TKTL1: variants seen among roughly 807,000 people sequenced by gnomAD.
TKTL1 encodes transketolase like 1.
Under a neutral mutation model 39.3 loss-of-function variants are expected in TKTL1, and 1 was observed. The ratio of observed to expected loss-of-function variants is 0.03; its 90% CI spans 0.01 to 0.12. TKTL1 has a LOEUF of 0.12. Among genes scored for constraint, TKTL1 ranks in the 10% least tolerant of loss-of-function variants. TKTL1 has a pLI of 1.00. For synonymous variants in TKTL1, 262 were observed against 193.8 expected, an observed-to-expected ratio of 1.35 and a Z score of -2.92; for missense variants, 575 against 509.6, an observed-to-expected ratio of 1.13 and a Z score of -1.24.
At chrX:154,312,432 G>A in intron 5 of TKTL1, 148 bp from the exon 6 acceptor site, 2 of 521,695 alleles carry the variant, frequency 3.8e-6, no homozygotes, top group Non-Finnish European at 6.0e-6. Flanking sequence ...CTCTCTGGCT[G>A]CAGCAGCGTC....
At chrX:154,322,692 A>G (rs1352205700) in intron 8 of TKTL1, among the ~76,000 whole-genome samples, 5 of 111,497 alleles carry the variant, frequency 4.5e-5, no homozygotes, top group Non-Finnish European at 9.4e-5. Context: ...TCTGGTGAGA[A>G]ACTACGTTCC....
intron 7 of TKTL1, among the ~76,000 whole-genome samples, chrX:154,317,778 A>G (rs1034630952): frequency 8.9e-6 from 1 of 111,820 alleles, no homozygotes; most frequent in Non-Finnish European, 1.9e-5. Context: ...AGGTGTCAGG[A>G]CAGGACCCAA....
At chrX:154,312,071 T>C (rs1557168473) in intron 5 of TKTL1, among the ~76,000 whole-genome samples, 1 of 111,972 alleles carries the variant, frequency 8.9e-6, no homozygotes, top group African/African-American at 3.2e-5. Flanking sequence ...ATCTGATCAG[T>C]CACTTTCCCC....
At chrX:154,328,817 C>G (rs1353811464) in intron 12 of TKTL1, among the ~76,000 whole-genome samples, 1 of 110,845 alleles carries the variant, frequency 9.0e-6, no homozygotes, top group African/African-American at 3.3e-5. Flanking sequence ...GTTGCTCTCA[C>G]ACCTGAGGTT....
chrX:154,298,444 G>A (rs1557165144), intron 1 of TKTL1, among the ~76,000 whole-genome samples: 1 of 112,123 alleles, frequency 8.9e-6, no homozygotes, highest in Non-Finnish European at 1.9e-5. Context: ...AGGGGAGGTG[G>A]CTCACGCCTG....
intron 6 of TKTL1, 51 bp from the exon 7 acceptor site, chrX:154,315,122 T>G (rs893496462): frequency 1.7e-6 from 2 of 1,148,389 alleles, no homozygotes; most frequent in Non-Finnish European, 2.4e-6. Flanking sequence ...TAGTCGTTCC[T>G]TCTAAATGCA....
intron 5 of TKTL1, among the ~76,000 whole-genome samples, chrX:154,311,845 G>T (rs2067360403): frequency 9.0e-6 from 1 of 111,130 alleles, no homozygotes; most frequent in African/African-American, 3.3e-5. Flanking sequence ...TTACCAGTGT[G>T]CTCCTGGCAG....
Position 154,325,439 on chromosome X carries a change from T to G in TKTL1, c.1401+17T>G, listed in dbSNP as rs782339219. On this transcript the variant is annotated intron_variant, in intron 10 of 12. Coordinates refer to ENST00000369915, the MANE Select transcript of TKTL1 (RefSeq NM_012253.4). ...CAGGCCAAGGTAAGGGCTTACGCGC[T>G]CCTGCGTTATTCAGTATCATCTCCT... 3 of 1,169,936 alleles carry G rather than the reference T, an allele frequency of 2.6e-6. No individual in the cohort carries two copies. The highest frequency in any genetic ancestry group is 1.8e-5 in the South Asian group (1 of 55,665).
At chrX:154,310,529 T>A (rs2067348512) in intron 3 of TKTL1, among the ~76,000 whole-genome samples, 1 of 112,629 alleles carries the variant, frequency 8.9e-6, no homozygotes, top group Non-Finnish European at 1.9e-5. Flanking sequence ...AGGATGCTGC[T>A]TTCTTCCCCT....
In TKTL1 at chrX:154,318,928, A is replaced by G. The variant is rs146188267; in HGVS notation, c.1030-1829A>G. Among the ~76,000 whole-genome samples the G allele has an allele frequency of 9.4e-3, 1,054 of 111,634 alleles. 14 individuals carry two copies. Among genetic ancestry groups the G allele is most frequent in the African/African-American group, 0.033 (1,018 of 30,749 alleles). ...TGTCCTATCATTTTTCTCTGCAACA[A>G]AAATATGCATATAAATTGATAGGTT... On this transcript the variant is annotated intron_variant, in intron 7 of 12. Transcript: ENST00000369915.
chrX:154,304,359 A>G (rs1369356572), intron 1 of TKTL1, among the ~76,000 whole-genome samples: 1 of 111,258 alleles, frequency 9.0e-6, no homozygotes, highest in Non-Finnish European at 1.9e-5. Context: ...GGGCTCTGCC[A>G]TCAGCACCCC....
chrX:154,320,678 G>T (rs1233507188), intron 7 of TKTL1, 79 bp from the exon 8 acceptor site: 1 of 1,014,274 alleles, frequency 9.9e-7, no homozygotes, highest in East Asian at 3.0e-5. Flanking sequence ...CAGAATGGGA[G>T]TTATCATGGG....
intron 2 of TKTL1, among the ~76,000 whole-genome samples, chrX:154,307,531 A>G (rs1227391818): frequency 8.9e-6 from 1 of 112,697 alleles, no homozygotes; most frequent in Non-Finnish European, 1.9e-5. Context: ...GACAGCACCC[A>G]TGTGGGAGCA....
chrX:154,298,482 C>T (rs2067247935), intron 1 of TKTL1, among the ~76,000 whole-genome samples: 1 of 112,299 alleles, frequency 8.9e-6, no homozygotes, highest in African/African-American at 3.2e-5. Context: ...GAGGCCGAGG[C>T]AGCTGGATCA....
At chrX:154,298,883 C>T (rs781894846) in intron 1 of TKTL1, among the ~76,000 whole-genome samples, 3 of 109,681 alleles carry the variant, frequency 2.7e-5, no homozygotes, top group East Asian at 2.8e-4. Context: ...CTTGCTGTGT[C>T]GCCCAGGCTA....
In TKTL1 at chrX:154,329,718, C is replaced by T. The variant is rs1369333548; in HGVS notation, c.*30C>T. ...GCTGTTAGCTTTGGTCTTTTGGCCT[C>T]TTTACCCTGTGTTTATGTTTGTTCC... On this transcript the variant is annotated 3_prime_UTR_variant, in exon 13 of 13. Coordinates refer to ENST00000369915, the MANE Select transcript of TKTL1 (RefSeq NM_012253.4). 3 of 1,187,513 alleles carry T rather than the reference C, an allele frequency of 2.5e-6. No individual in the cohort carries two copies. The highest frequency in any genetic ancestry group is 3.5e-5 in the African/African-American group (2 of 56,850).
At chrX:154,324,561 G>A (rs929292362) in intron 9 of TKTL1, among the ~76,000 whole-genome samples, 3 of 112,181 alleles carry the variant, frequency 2.7e-5, no homozygotes, top group Non-Finnish European at 5.6e-5. Flanking sequence ...AGAAATTAGA[G>A]TAGAGGTTGC....
At chrX:154,303,040 C>G (rs1242840917) in intron 1 of TKTL1, among the ~76,000 whole-genome samples, 2 of 111,007 alleles carry the variant, frequency 1.8e-5, no homozygotes, top group African/African-American at 6.6e-5. Context: ...GCAACTCACC[C>G]TGGCAGGCTT....
rs782214087 is a variant in TKTL1 at position 154,325,322 on chromosome X, C to T, written c.1318-17C>T. The T allele has an allele frequency of 9.2e-6, 11 of 1,195,014 alleles. No homozygotes were observed. In the South Asian group the frequency reaches 1.1e-4, roughly 12 times the overall value. On this transcript the variant is annotated splice_polypyrimidine_tract_variant and intron_variant, in intron 9 of 12. Coordinates refer to ENST00000369915, the MANE Select transcript of TKTL1 (RefSeq NM_012253.4). ...CATTGTTTGCTTTTCTAAACCATGG[C>T]TCCATTTATGCCCTAGGGGATGTGC... is the stretch of plus-strand genomic sequence containing the variant.
Sources: gnomAD v4.1 joint callset for allele counts (sites outside exome capture counted in the v4.1 genomes callset) on GRCh38, gnomAD v4.1.1 for gene constraint, MANE v1.5 for transcripts, NCBI Gene and HGNC (gene_info 2026-07-23, HGNC 2026-07-21) for gene names.